Variants in CCNY observed in about 807,000 individuals in gnomAD.
CCNY encodes cyclin Y, also known as cyclin-Y.
In CCNY, 19 loss-of-function variants were observed where a neutral mutation model predicts 42.8. That is an observed-to-expected ratio of 0.44 (90% confidence interval 0.31 to 0.65). The LOEUF is 0.65. Among genes scored for constraint, CCNY ranks in the 30% least tolerant of loss-of-function variants. The pLI is 0.07. For missense variants in CCNY, 370 were observed against 437.3 expected (o/e 0.85, Z 1.37); for synonymous variants, 165 against 162.7 (o/e 1.01, Z -0.11).
At chr10:35,280,458 A>C (rs192000661) in intron 3 of CCNY, among the ~76,000 whole-genome samples, 1 of 145,782 alleles carries the variant, frequency 6.9e-6, no homozygotes, top group African/African-American at 2.6e-5. Context: ...AAGGAAGGAA[A>C]GAAGGGAGGA....
At chr10:35,564,608 A>G (rs1202007852) in intron 8 of CCNY, among the ~76,000 whole-genome samples, 1 of 152,154 alleles carries the variant, frequency 6.6e-6, no homozygotes, top group African/African-American at 2.4e-5. Context: ...TTGGCAGGAC[A>G]TGACTTAGAA....
rs1353383387 is a variant in CCNY at position 35,571,004 on chromosome 10, T to C, written c.*1834T>C. ...TGGGTACCAAAATCACCTTCTCTCT[T>C]CAAGTCAAAGTTGAATTTAGAACTT... On this transcript the variant is annotated 3_prime_UTR_variant, in exon 10 of 10. Coordinates refer to ENST00000374704, the MANE Select transcript of CCNY (RefSeq NM_145012.6). The C allele has an allele frequency of 2.6e-5, 4 of 152,280 alleles. No individual in the cohort carries two copies. The highest frequency in any genetic ancestry group is 5.9e-5 in the Non-Finnish European group (4 of 68,032). 9.4% of individuals were successfully genotyped at this position (152,280 alleles called of 1,614,324 possible).
Position 35,433,844 on chromosome 10 carries a change from G to A in CCNY, c.155-49560G>A, listed in dbSNP as rs190621767. Among the ~76,000 whole-genome samples, 982 of 152,308 alleles carry A rather than the reference G, an allele frequency of 6.4e-3. 7 individuals carry two copies. The highest frequency in any genetic ancestry group is 0.023 in the African/African-American group (936 of 41,564). ...GGCTGGTCTCGAACTCCTGACCTCA[G>A]GTGATCCTTCTGCCTTGGCCTCCTC... is the stretch of plus-strand genomic sequence containing the variant. On this transcript the variant is annotated intron_variant, in intron 1 of 9. Transcript: ENST00000374704.
At chr10:35,353,549 A>T (rs1445714574) in intron 1 of CCNY, among the ~76,000 whole-genome samples, 2 of 152,148 alleles carry the variant, frequency 1.3e-5, no homozygotes, top group Non-Finnish European at 2.9e-5. Flanking sequence ...ACTGTAGGAG[A>T]TCCTCATGTT....
intron 4 of CCNY, among the ~76,000 whole-genome samples, chr10:35,522,036 C>T (rs1487520041): frequency 6.6e-6 from 1 of 152,122 alleles, no homozygotes; most frequent in Non-Finnish European, 1.5e-5. Flanking sequence ...AATAGACAGC[C>T]CAGTACAATT....
At chr10:35,504,928 C>T (rs528622455) in intron 3 of CCNY, among the ~76,000 whole-genome samples, 19 of 152,168 alleles carry the variant, frequency 1.2e-4, no homozygotes, top group Middle Eastern at 3.4e-3. Context: ...TGAGCCACTG[C>T]GTCCAGCTAG....
At chr10:35,328,528 A>C (rs1271954688) in intron 3 of CCNY, among the ~76,000 whole-genome samples, 3 of 152,232 alleles carry the variant, frequency 2.0e-5, no homozygotes, top group Admixed American at 2.0e-4. Context: ...AGCAACAAGA[A>C]GACTCTGTGG....
At chr10:35,408,225 G>T (rs888107177) in intron 1 of CCNY, among the ~76,000 whole-genome samples, 6 of 152,180 alleles carry the variant, frequency 3.9e-5, no homozygotes, top group Non-Finnish European at 8.8e-5. Flanking sequence ...ATCTCTTCAC[G>T]GAGTGAGGGT....
chr10:35,468,983 T>C (rs1722266483), intron 1 of CCNY, among the ~76,000 whole-genome samples: 1 of 152,230 alleles, frequency 6.6e-6, no homozygotes, highest in Non-Finnish European at 1.5e-5. Flanking sequence ...TATGTAAAAG[T>C]GTCAGTTCCA....
chr10:35,529,083 T>C (rs1365301004), intron 5 of CCNY, among the ~76,000 whole-genome samples: 1 of 152,234 alleles, frequency 6.6e-6, no homozygotes, highest in African/African-American at 2.4e-5. Context: ...CACGGTACTG[T>C]GTTCACAGTG....
rs577122438 is a variant in CCNY, at chr10:35,511,403, A to C, written c.265-5120A>C. The stretch of plus-strand genomic sequence containing the variant: ...GAACACACAGAGGGGTACCCAGCCC[A>C]GGTGGTCTGGTGGTAGGAAGGCATC... On this transcript the variant is annotated intron_variant, in intron 3 of 9. Coordinates refer to ENST00000374704, the MANE Select transcript of CCNY (RefSeq NM_145012.6). Among the ~76,000 whole-genome samples the C allele has an allele frequency of 2.6e-5, 4 of 152,328 alleles. No individual in the cohort carries two copies. In the East Asian group the frequency reaches 7.7e-4, roughly 29 times the overall value.
intron 1 of CCNY, among the ~76,000 whole-genome samples, chr10:35,418,363 G>C (rs1327478931): frequency 1.3e-5 from 2 of 152,082 alleles, no homozygotes; most frequent in African/African-American, 4.8e-5. Context: ...AAGGAAACCT[G>C]TACTGCAAAG....
intron 1 of CCNY, among the ~76,000 whole-genome samples, chr10:35,344,825 G>C (rs1836264243): frequency 6.6e-6 from 1 of 152,026 alleles, no homozygotes; most frequent in African/African-American, 2.4e-5. Context: ...AACATGCCGT[G>C]TTTGGTTTTT....
At chr10:35,383,728 T>G (rs1241442171) in intron 1 of CCNY, among the ~76,000 whole-genome samples, 1 of 152,220 alleles carries the variant, frequency 6.6e-6, no homozygotes. Context: ...TCCCTTAAAG[T>G]TTTTGATAAA....
At chr10:35,428,854 C>T (rs944887149) in intron 1 of CCNY, among the ~76,000 whole-genome samples, 2 of 152,162 alleles carry the variant, frequency 1.3e-5, no homozygotes, top group Non-Finnish European at 2.9e-5. Context: ...ACTGCAGGAA[C>T]AGTGGAGGAA....
chr10:35,323,219 G>A (rs534116025), intron 3 of CCNY, among the ~76,000 whole-genome samples: 14 of 152,058 alleles, frequency 9.2e-5, no homozygotes, highest in South Asian at 4.2e-4. Context: ...ATGAGCCACC[G>A]CACTCGGCTG....
Position 35,357,385 on chromosome 10 carries a change from A to G in CCNY, c.154+20178A>G, listed in dbSNP as rs550904849. Among the ~76,000 whole-genome samples, 3 of 152,360 alleles carry G rather than the reference A, an allele frequency of 2.0e-5. No homozygotes were observed. In the East Asian group the frequency reaches 5.8e-4, roughly 29 times the overall value. On this transcript the variant is annotated intron_variant, in intron 1 of 9. Coordinates refer to ENST00000374704, the MANE Select transcript of CCNY (RefSeq NM_145012.6). ...CATCACCTAACACAGTACTTAGCAT[A>G]TAGTAGTTCTCAGGAAATACTCGAA...
chr10:35,548,391 C>T (rs868382044), intron 7 of CCNY, among the ~76,000 whole-genome samples: 4 of 151,004 alleles, frequency 2.6e-5, no homozygotes, highest in African/African-American at 4.9e-5. Flanking sequence ...CTCCGCCTCC[C>T]GGGTTCAAGC....
intron 3 of CCNY, among the ~76,000 whole-genome samples, chr10:35,281,395 G>T (rs1290676100): frequency 6.6e-6 from 1 of 151,976 alleles, no homozygotes; most frequent in African/African-American, 2.4e-5. Context: ...TTCCCCCTGG[G>T]TTCAAGTGAT....
Sources: gnomAD v4.1 joint callset for allele counts (sites outside exome capture counted in the v4.1 genomes callset) on GRCh38, gnomAD v4.1.1 for gene constraint, MANE v1.5 for transcripts, NCBI Gene and HGNC (gene_info 2026-07-23, HGNC 2026-07-21) for gene names.